IQCM: variants seen among roughly 807,000 people sequenced by gnomAD.
IQCM encodes the protein IQ motif containing M.
A neutral mutation model predicts 57.6 loss-of-function variants in IQCM; 45 were observed. That is an observed-to-expected ratio of 0.78 (90% CI 0.62 to 1.00). The LOEUF (loss-of-function observed/expected upper bound fraction) is 1.00, where lower values mean the gene tolerates loss of function less well. Ranked by LOEUF, IQCM falls within the 50% of genes least tolerant of loss-of-function variation. The probability of loss-of-function intolerance (pLI) is 0.00; values close to 1 mark genes in which losing one functional copy is unlikely to be tolerated. For synonymous variants in IQCM, 148 were observed against 158.9 expected (o/e 0.93, Z 0.51); for missense variants, 468 against 511.6 (o/e 0.91, Z 0.82).
intron 7 of IQCM, among the ~76,000 whole-genome samples, chr4:149,643,964 T>C (rs1284899793): frequency 6.6e-6 from 1 of 152,164 alleles, no homozygotes; most frequent in Non-Finnish European, 1.5e-5. Context: ...AATGGACTTT[T>C]TAGTGATAAA....
At chr4:149,405,828 C>CAT (rs55914421) in intron 13 of IQCM, among the ~76,000 whole-genome samples, 25,152 of 135,022 alleles carry the variant, frequency 0.19, 2,435 homozygotes, top group South Asian at 0.31. Flanking sequence ...TCCTAAGGAG[C>CAT]ATATATATAT....
chr4:149,799,510 A>G (rs2150045913), intron 2 of IQCM, among the ~76,000 whole-genome samples: 1 of 151,972 alleles, frequency 6.6e-6, no homozygotes, highest in South Asian at 2.1e-4. Context: ...ATTAAATTCT[A>G]ATGAACAAAA....
At chr4:149,716,994 A>G (rs925821091) in intron 5 of IQCM, among the ~76,000 whole-genome samples, 1 of 152,232 alleles carries the variant, frequency 6.6e-6, no homozygotes, top group Non-Finnish European at 1.5e-5. Flanking sequence ...CCAACTTTAC[A>G]GCAACAGCTC....
intron 2 of IQCM, among the ~76,000 whole-genome samples, chr4:149,807,301 T>C (rs1774176175): frequency 6.6e-6 from 1 of 151,822 alleles, no homozygotes; most frequent in Admixed American, 6.6e-5. Context: ...GGTACTGACA[T>C]AAAACTCCAA....
intron 13 of IQCM, among the ~76,000 whole-genome samples, chr4:149,385,625 A>G (rs562053062): frequency 3.3e-5 from 5 of 152,172 alleles, no homozygotes; most frequent in African/African-American, 1.2e-4. Context: ...CTCAAATACA[A>G]CTTATGATCT....
chr4:149,357,172 A>G lies in IQCM; in HGVS notation c.1391-5106T>C, dbSNP rs188274384. Among the ~76,000 whole-genome samples, 295 of 152,314 alleles carry G rather than the reference A, an allele frequency of 1.9e-3. 3 individuals carry two copies. The highest frequency in any genetic ancestry group is 0.017 in the Admixed American group (255 of 15,298). ...TGAGACAATGGGGTTTTCTAGATAT[A>G]CAATCATGTCATCTGCAAACAGGGA... On this transcript the variant is annotated intron_variant, in intron 13 of 13. Transcript: ENST00000636793.
intron 7 of IQCM, among the ~76,000 whole-genome samples, chr4:149,624,513 C>G (rs1230543156): frequency 6.6e-6 from 1 of 151,930 alleles, no homozygotes; most frequent in Non-Finnish European, 1.5e-5. Flanking sequence ...ATTTTATAAG[C>G]TTAAATTATA....
intron 2 of IQCM, among the ~76,000 whole-genome samples, chr4:149,762,325 G>T (rs1456293374): frequency 6.6e-6 from 1 of 151,482 alleles, no homozygotes; most frequent in Non-Finnish European, 1.5e-5. Context: ...AGCCAAATAA[G>T]AAATGATAAA....
intron 9 of IQCM, among the ~76,000 whole-genome samples, chr4:149,580,273 A>G (rs919431630): frequency 2.0e-5 from 3 of 151,830 alleles, no homozygotes; most frequent in Non-Finnish European, 4.4e-5. Context: ...GGAGAATAAA[A>G]GAGATGTGAG....
At chr4:149,588,287 T>C (rs1025856410) in intron 8 of IQCM, among the ~76,000 whole-genome samples, 4 of 151,886 alleles carry the variant, frequency 2.6e-5, no homozygotes, top group African/African-American at 9.7e-5. Context: ...ATTTATTTAT[T>C]TGTCCTCTGT....
At chr4:149,714,520 T>G (rs956353681) in intron 5 of IQCM, among the ~76,000 whole-genome samples, 2 of 152,176 alleles carry the variant, frequency 1.3e-5, no homozygotes, top group African/African-American at 4.8e-5. Context: ...AGACTTTATA[T>G]AGTAGTACTC....
intron 9 of IQCM, among the ~76,000 whole-genome samples, chr4:149,582,689 C>T (rs1194772959): frequency 6.6e-6 from 1 of 151,410 alleles, no homozygotes. Context: ...AAAGACAGAA[C>T]ACACAAGTAG....
chr4:149,429,690 A>C (rs1284580897), intron 13 of IQCM, among the ~76,000 whole-genome samples: 1 of 151,900 alleles, frequency 6.6e-6, no homozygotes, highest in East Asian at 1.9e-4. Context: ...CACATAATAA[A>C]TTCCCAGAGC....
chr4:149,767,205 C>T (rs1770144282), intron 2 of IQCM, among the ~76,000 whole-genome samples: 1 of 151,722 alleles, frequency 6.6e-6, no homozygotes, highest in Admixed American at 6.6e-5. Context: ...CCAAAATTAT[C>T]TATCACTAAA....
chr4:149,698,886 T>C (rs1385726732), intron 5 of IQCM, among the ~76,000 whole-genome samples: 1 of 152,022 alleles, frequency 6.6e-6, no homozygotes, highest in Non-Finnish European at 1.5e-5. Context: ...GCTTCGTCTT[T>C]TGTAAAAAAG....
intron 5 of IQCM, among the ~76,000 whole-genome samples, chr4:149,703,495 G>C (rs1763921734): frequency 6.6e-6 from 1 of 151,854 alleles, no homozygotes; most frequent in Non-Finnish European, 1.5e-5. Context: ...TGTTGGTACA[G>C]ACAATAGGCC....
chr4:149,472,850 T>A (rs534076736), intron 12 of IQCM, among the ~76,000 whole-genome samples: 6 of 151,394 alleles, frequency 4.0e-5, no homozygotes, highest in African/African-American at 9.7e-5. Flanking sequence ...TTGACAAACC[T>A]GACAAAAAAA....
intron 7 of IQCM, among the ~76,000 whole-genome samples, chr4:149,663,294 T>G (rs568456203): frequency 6.6e-6 from 1 of 152,154 alleles, no homozygotes; most frequent in East Asian, 1.9e-4. Context: ...CATTTTTACT[T>G]TAAACTTTTA....
chr4:149,700,771 G>A (rs1177522457), intron 5 of IQCM, among the ~76,000 whole-genome samples: 1 of 151,894 alleles, frequency 6.6e-6, no homozygotes, highest in Non-Finnish European at 1.5e-5. Context: ...TGATACTTCT[G>A]ACCATTATAA....
Sources: gnomAD v4.1 joint callset for allele counts (sites outside exome capture counted in the v4.1 genomes callset) on GRCh38, gnomAD v4.1.1 for gene constraint, MANE v1.5 for transcripts, NCBI Gene and HGNC (gene_info 2026-07-23, HGNC 2026-07-21) for gene names.